Variants in ELL observed in about 807,000 individuals in gnomAD.
ELL encodes the protein elongation factor for RNA polymerase II.
In ELL, 18 loss-of-function variants were observed where a neutral mutation model predicts 64.0. That is an observed-to-expected ratio of 0.28 (90% CI 0.19 to 0.42). The LOEUF (loss-of-function observed/expected upper bound fraction) is 0.42, where lower values mean the gene tolerates loss of function less well. Ranked by LOEUF, ELL falls within the 10% of genes least tolerant of loss-of-function variation. The pLI, the probability that ELL is intolerant of heterozygous loss-of-function variation, is 1.00. For missense variants in ELL, 797 were observed against 870.4 expected, an observed-to-expected ratio of 0.92 and a Z score of 1.06; for synonymous variants, 399 against 376.2, an observed-to-expected ratio of 1.06 and a Z score of -0.70.
Position 18,451,034 on chromosome 19 carries a change from C to A in ELL, c.967-59G>T, listed in dbSNP as rs880055. On this transcript the variant is annotated intron_variant, in intron 7 of 11. Transcript: ENST00000262809. ...CACAGAGTGGCTGAGCAGCAACAGG[C>A]AATCCCCTGGCCTGGCTAGAAAACC... 9 of 1,471,694 alleles carry A rather than the reference C, an allele frequency of 6.1e-6. No homozygotes were observed. In the African/African-American group the frequency reaches 1.3e-4, roughly 21 times the overall value. 91.2% of individuals were successfully genotyped at this position (1,471,694 alleles called of 1,614,324 possible).
rs1185069279 is a variant in ELL at position 18,476,516 on chromosome 19, C to T, written c.136-3634G>A. 2.0e-5 allele frequency among the ~76,000 whole-genome samples: 3 copies of T among 151,962 alleles called. No individual in the cohort carries two copies. In the East Asian group the frequency reaches 5.8e-4, roughly 29 times the overall value. On this transcript the variant is annotated intron_variant, in intron 1 of 11. Transcript: ENST00000262809. ...CATGCTCCCTGTGGGCCACGCCATC[C>T]AGTGAGGCATTTAACCAGGTTCTGG... is the stretch of plus-strand genomic sequence containing the variant.
At chr19:18,446,234 T>C (rs1223326298) in intron 10 of ELL, 75 bp downstream of exon 10, 30 of 1,078,000 alleles carry the variant, frequency 2.8e-5, no homozygotes, top group Non-Finnish European at 3.5e-5. Flanking sequence ...AAGCTCGTGG[T>C]GGCGATGGTG....
At position 18,516,662 on chromosome 19, in the gene ELL, G is replaced by A. The variant is rs572188437; in HGVS notation, c.135+5259C>T. 3.0e-3 allele frequency among the ~76,000 whole-genome samples: 461 copies of A among 152,168 alleles called. 1 individual carries two copies. The highest frequency in any genetic ancestry group is 0.01 in the African/African-American group (431 of 41,510). ...TGTACGAACCTCCAGGCAGGGACCA[G>A]CCCCCCAGGAGCCAGCTCTGGGTCC... On this transcript the variant is annotated intron_variant, in intron 1 of 11. Transcript: ENST00000262809.
chr19:18,453,486 A>T (rs1394461834), intron 6 of ELL, among the ~76,000 whole-genome samples: 1 of 152,184 alleles, frequency 6.6e-6, no homozygotes, highest in Non-Finnish European at 1.5e-5. Flanking sequence ...CCTGCCCTGC[A>T]AGGAGCAATA....
At chr19:18,513,041 G>C (rs574874621) in intron 1 of ELL, among the ~76,000 whole-genome samples, 3 of 152,160 alleles carry the variant, frequency 2.0e-5, no homozygotes, top group Admixed American at 6.5e-5. Context: ...ATATACTTGC[G>C]GTCTCCCCAT....
chr19:18,486,902 T>G (rs1365303530), intron 1 of ELL, among the ~76,000 whole-genome samples: 2 of 152,154 alleles, frequency 1.3e-5, no homozygotes, highest in African/African-American at 4.8e-5. Context: ...GATGTGACCT[T>G]GCCAGCCACA....
intron 1 of ELL, among the ~76,000 whole-genome samples, chr19:18,513,809 T>C (rs1976076601): frequency 6.6e-6 from 1 of 152,028 alleles, no homozygotes; most frequent in Admixed American, 6.6e-5. Flanking sequence ...CGGGCGCCTG[T>C]AGTCCCAGCT....
intron 2 of ELL, 23 bp downstream of exon 2, chr19:18,472,812 G>C (rs1279084572): frequency 6.5e-7 from 1 of 1,530,474 alleles, no homozygotes; most frequent in Non-Finnish European, 8.8e-7. Context: ...TTCCAAATAT[G>C]AATGATTAAG....
intron 1 of ELL, among the ~76,000 whole-genome samples, chr19:18,508,234 G>A (rs896154823): frequency 6.6e-6 from 1 of 152,178 alleles, no homozygotes; most frequent in African/African-American, 2.4e-5. Flanking sequence ...CTTGAGGCCA[G>A]GAGTTAACAG....
intron 8 of ELL, among the ~76,000 whole-genome samples, chr19:18,450,083 G>T (rs1301454247): frequency 6.6e-6 from 1 of 152,238 alleles, no homozygotes; most frequent in Admixed American, 6.5e-5. Context: ...GGCCCCCACT[G>T]TCTTCCCTGA....
At chr19:18,445,012 T>A in intron 11 of ELL, 144 bp from the exon 12 acceptor site, 1 of 1,093,074 alleles carries the variant, frequency 9.1e-7, no homozygotes, top group Non-Finnish European at 1.3e-6. Flanking sequence ...GAGTGGGAGT[T>A]GGTCCCCCGC....
chr19:18,447,598 G>A (rs1329848916), intron 8 of ELL, among the ~76,000 whole-genome samples: 2 of 152,242 alleles, frequency 1.3e-5, no homozygotes, highest in East Asian at 3.8e-4. Flanking sequence ...CATGTGGTGG[G>A]GTGCCCCGGC....
chr19:18,487,165 C>CCATTGCCCATATGGGCTGG (rs1322812808), intron 1 of ELL, among the ~76,000 whole-genome samples: 5 of 152,200 alleles, frequency 3.3e-5, no homozygotes, highest in African/African-American at 9.7e-5. Flanking sequence ...TGCTTCTGAG[C>CCATTGCCCATATGGGCTGG]CATTGCCCAT....
chr19:18,493,484 A>C (rs1975576429), intron 1 of ELL, among the ~76,000 whole-genome samples: 1 of 152,254 alleles, frequency 6.6e-6, no homozygotes, highest in Non-Finnish European at 1.5e-5. Context: ...CTTGGGTGGA[A>C]AACAGAGACC....
chr19:18,492,234 C>G (rs113696394), intron 1 of ELL, among the ~76,000 whole-genome samples: 62 of 152,304 alleles, frequency 4.1e-4, no homozygotes, highest in African/African-American at 1.3e-3. Context: ...CATTCGGTGA[C>G]CTGGAAGCTT....
At chr19:18,504,881 C>T (rs1037048363) in intron 1 of ELL, among the ~76,000 whole-genome samples, 2 of 152,226 alleles carry the variant, frequency 1.3e-5, no homozygotes, top group East Asian at 1.9e-4. Flanking sequence ...AAAGCCCCCA[C>T]AGCCCTGAGC....
At chr19:18,504,374 G>A (rs1370495054) in intron 1 of ELL, among the ~76,000 whole-genome samples, 2 of 152,178 alleles carry the variant, frequency 1.3e-5, no homozygotes, top group African/African-American at 4.8e-5. Context: ...AATCCATGAC[G>A]CGTGGCTTGC....
intron 6 of ELL, among the ~76,000 whole-genome samples, chr19:18,457,807 T>C (rs551100921): frequency 1.3e-5 from 2 of 148,234 alleles, no homozygotes; most frequent in Admixed American, 6.7e-5. Context: ...TATTTCTCTC[T>C]ACTTCAGGTT....
At chr19:18,472,745 G>A in intron 2 of ELL, 90 bp downstream of exon 2, 1 of 1,476,542 alleles carries the variant, frequency 6.8e-7, no homozygotes, top group South Asian at 1.2e-5. Flanking sequence ...ACACTGCCAT[G>A]AGCTGCTGCT....
Sources: allele counts gnomAD v4.1 joint callset (sites outside exome capture counted in the v4.1 genomes callset), GRCh38; gene constraint gnomAD v4.1.1; transcripts MANE v1.5; gene names NCBI Gene and HGNC (gene_info 2026-07-23, HGNC 2026-07-21).